YARS2: variants seen among roughly 807,000 people sequenced by gnomAD.
The protein encoded by YARS2 is tyrosine--tRNA ligase, mitochondrial.
Under a neutral mutation model 45.0 loss-of-function variants are expected in YARS2, and 38 were observed. The ratio of observed to expected loss-of-function variants is 0.84; its 90% CI spans 0.65 to 1.11. YARS2 has a LOEUF of 1.11. Among genes scored for constraint, YARS2 ranks in the 50% least tolerant of loss-of-function variants. YARS2 has a pLI of 0.00. For missense variants in YARS2, 602 were observed against 599.8 expected (o/e 1.00, Z -0.04); for synonymous variants, 287 against 245.1 (o/e 1.17, Z -1.60).
intron 4 of YARS2, 35 bp from the exon 5 acceptor site, chr12:32,747,398 C>T: frequency 6.2e-7 from 1 of 1,606,860 alleles, no homozygotes; most frequent in Non-Finnish European, 8.5e-7. Flanking sequence ...GTAGAGAGAT[C>T]CAATCACTGT....
intron 4 of YARS2, among the ~76,000 whole-genome samples, chr12:32,748,803 G>C (rs1031324001): frequency 1.3e-5 from 2 of 152,052 alleles, no homozygotes; most frequent in African/African-American, 4.8e-5. Context: ...AGTTGAAAGA[G>C]AACAACTATA....
intron 2 of YARS2, among the ~76,000 whole-genome samples, chr12:32,751,130 GA>G (rs1955736446): frequency 6.7e-6 from 1 of 150,082 alleles, no homozygotes; most frequent in South Asian, 2.1e-4. Flanking sequence ...GCAGTGGCAT[GA>G]TCATGGCTCA....
In YARS2 at chr12:32,747,169, G is replaced by T; in HGVS notation, c.*35C>A. ...TCAGAGGTCTTGAGAATGAATGATG[G>T]GTAAGTTTATTTGGACAACCAGAAG... On this transcript the variant is annotated 3_prime_UTR_variant, in exon 5 of 5. Coordinates refer to ENST00000324868, the MANE Select transcript of YARS2 (RefSeq NM_001040436.3). The T allele has an allele frequency of 6.2e-7, 1 of 1,608,908 alleles. No homozygotes were observed.
rs1955829295 is a variant in YARS2, at chr12:32,755,397, T to C, written c.478A>G (p.Thr160Ala). Residue 160 changes from threonine to alanine, a missense_variant, in exon 1 of 5, where the codon ACT becomes GCT. Coordinates refer to ENST00000324868, the MANE Select transcript of YARS2 (RefSeq NM_001040436.3). ...ALAANHQQLF[T>A]DGRSWGSFTV... is the part of the protein sequence containing the mutation. ...AAGCTGCCCCAGGAGCGCCCATCAG[T>C]GAAAAGCTGCTGGTGATTAGCCGCC... is the stretch of plus-strand genomic sequence containing the variant. The C allele has an allele frequency of 6.2e-7, 1 of 1,613,646 alleles. No individual in the cohort carries two copies. The highest frequency in any genetic ancestry group is 8.5e-7 in the Non-Finnish European group (1 of 1,180,014).
chr12:32,749,112 TTAG>T (rs1479796678), intron 4 of YARS2, among the ~76,000 whole-genome samples: 1 of 152,212 alleles, frequency 6.6e-6, no homozygotes, highest in Non-Finnish European at 1.5e-5. Flanking sequence ...TCTTATGACG[TTAG>T]TAGGTTAGTG....
chr12:32,749,984 G>A lies in YARS2; in HGVS notation c.1227C>T (p.Val409=). 1 of 1,614,036 alleles carries A rather than the reference G, an allele frequency of 6.2e-7. No homozygotes were observed. Among genetic ancestry groups the A allele is most frequent in the Non-Finnish European group, 8.5e-7 (1 of 1,180,006 alleles). The change falls in exon 4 of 5, where the codon GTC becomes GTT. Residue 409 remains valine (V), a synonymous_variant. Transcript: ENST00000324868. ...CATTTGCTTTGCGGCAAGTATCTAGGACACTTGTTCCAGGATCGAGAAAAA... is the reference window on the plus strand; with the variant it reads ...CATTTGCTTTGCGGCAAGTATCTAGAACACTTGTTCCAGGATCGAGAAAAA... The part of the protein sequence containing the change: ...SEFFLDPGTS[V]LDTCRKANAI...
At chr12:32,753,857 G>T in intron 2 of YARS2, 61 bp downstream of exon 2, 2 of 1,598,980 alleles carry the variant, frequency 1.3e-6, no homozygotes, top group Non-Finnish European at 1.7e-6. Flanking sequence ...AGATTCAATG[G>T]CTAAAATTAC....
chr12:32,749,420 T>C (rs1400106079), intron 4 of YARS2, among the ~76,000 whole-genome samples: 1 of 152,186 alleles, frequency 6.6e-6, no homozygotes, highest in Admixed American at 6.5e-5. Flanking sequence ...AGAGACAGTA[T>C]AGGAGTACTG....
chr12:32,749,537 T>A (rs999125543), intron 4 of YARS2, among the ~76,000 whole-genome samples: 11 of 152,210 alleles, frequency 7.2e-5, no homozygotes, highest in African/African-American at 2.4e-4. Context: ...ACTAAAGCAC[T>A]ATCAGGAAAA....
chr12:32,750,020 T>C lies in YARS2; in HGVS notation c.1191A>G (p.Pro397=), dbSNP rs754627213. 2 of 1,614,038 alleles carry C rather than the reference T, an allele frequency of 1.2e-6. No homozygotes were observed. The highest frequency in any genetic ancestry group is 1.7e-6 in the Non-Finnish European group (2 of 1,179,968). ...CAGGATCGAGAAAAAATTCAGAAAA[T>C]GGAGCTTCTTTAAACAACTCTTTTA... ...QELKELFKEA[P]FSEFFLDPGT... Residue 397 remains proline, a synonymous_variant, in exon 4 of 5, where the codon CCA becomes CCG. Coordinates refer to ENST00000324868, the MANE Select transcript of YARS2 (RefSeq NM_001040436.3).
chr12:32,751,891 C>T (rs1473409404), intron 2 of YARS2, among the ~76,000 whole-genome samples: 3 of 152,198 alleles, frequency 2.0e-5, no homozygotes, highest in Non-Finnish European at 4.4e-5. Context: ...CGGACTGGTA[C>T]AGTCCAACAG....
chr12:32,753,672 T>G (rs1339872474), intron 2 of YARS2, among the ~76,000 whole-genome samples: 1 of 152,198 alleles, frequency 6.6e-6, no homozygotes, highest in African/African-American at 2.4e-5. Flanking sequence ...TCCTAAGAAC[T>G]TGCTAGATAC....
In YARS2 at chr12:32,755,160, T is replaced by C; in HGVS notation, c.715A>G (p.Arg239Gly). 1 of 1,614,180 alleles carries C rather than the reference T, an allele frequency of 6.2e-7. No individual in the cohort carries two copies. Among genetic ancestry groups the C allele is most frequent in the Non-Finnish European group, 8.5e-7 (1 of 1,180,040 alleles). The change falls in exon 1 of 5, where the codon AGG becomes GGG. Residue 239 changes from arginine to glycine, a missense_variant. Coordinates refer to ENST00000324868, the MANE Select transcript of YARS2 (RefSeq NM_001040436.3). ...TGATCAGATCCGCCCAGCTGGACCC[T>C]GCATCCATAACGCTGGAAGAGGTAA... ...FYYLFQRYGC[R>G]VQLGGSDQLG...
In YARS2 at chr12:32,755,534, C is replaced by T; in HGVS notation, c.341G>A (p.Gly114Asp). Residue 114 changes from glycine (G) to aspartate (D), a missense_variant, in exon 1 of 5, where the codon GGC becomes GAC. Gly to Asp is a moderately conservative substitution (Grantham distance 94, BLOSUM62 -1). Coordinates refer to ENST00000324868, the MANE Select transcript of YARS2 (RefSeq NM_001040436.3). ...AGHNVIALVG[G>D]ATARLGDPSG... ...CGGGTCTCCCAGGCGCGCCGTGGCG[C>T]CTCCCACCAGCGCGATCACGTTGTG... 6.2e-7 allele frequency: 1 copy of T among 1,613,386 alleles called. No homozygotes were observed. The highest frequency in any genetic ancestry group is 8.5e-7 in the Non-Finnish European group (1 of 1,179,788).
intron 4 of YARS2, among the ~76,000 whole-genome samples, chr12:32,747,915 A>G (rs972590494): frequency 2.6e-5 from 4 of 152,200 alleles, no homozygotes; most frequent in Non-Finnish European, 5.9e-5. Flanking sequence ...AAGTTGTTCT[A>G]GGAGCACACT....
rs1253364162 is a variant in YARS2, at chr12:32,746,907, G to C, written c.*297C>G. The C allele has an allele frequency of 1.5e-5, 5 of 332,480 alleles. No individual in the cohort carries two copies. Among genetic ancestry groups the C allele is most frequent in the Non-Finnish European group, 2.8e-5 (5 of 178,146 alleles). 20.6% of individuals were successfully genotyped at this position (332,480 alleles called of 1,614,324 possible). A position where few individuals can be genotyped will look rare whatever the true frequency, so the allele number is the denominator to read the frequency against. ...ACAAAAAGGAGAGCAGGAAGGGTAAGATAGGAAAGCAGCATTTCTTTCTCT... is the reference window on the plus strand; with the variant it reads ...ACAAAAAGGAGAGCAGGAAGGGTAACATAGGAAAGCAGCATTTCTTTCTCT... On this transcript the variant is annotated 3_prime_UTR_variant, in exon 5 of 5. Coordinates refer to ENST00000324868, the MANE Select transcript of YARS2 (RefSeq NM_001040436.3).
chr12:32,750,491 G>A lies in YARS2; in HGVS notation c.1103+228C>T, dbSNP rs61926204. Among the ~76,000 whole-genome samples, 301 of 152,236 alleles carry A rather than the reference G, an allele frequency of 2.0e-3. 1 individual carries two copies. The highest frequency in any genetic ancestry group is 3.5e-3 in the Non-Finnish European group (238 of 68,004). On this transcript the variant is annotated intron_variant, in intron 3 of 4. Transcript: ENST00000324868. ...GCTGGGATTACAGGCGTGAGCCACCGCGCCCGGCATAGACTAAAAGTTTTT... is the reference window on the plus strand; with the variant it reads ...GCTGGGATTACAGGCGTGAGCCACCACGCCCGGCATAGACTAAAAGTTTTT...
chr12:32,749,673 C>A (rs921377954), intron 4 of YARS2, among the ~76,000 whole-genome samples: 1 of 152,104 alleles, frequency 6.6e-6, no homozygotes, highest in Non-Finnish European at 1.5e-5. Context: ...CTCTGCCTCC[C>A]GGGTTGATGC....
intron 2 of YARS2, chr12:32,752,820 G>A: frequency 3.2e-6 from 1 of 309,828 alleles, no homozygotes; most frequent in Non-Finnish European, 6.5e-6. Flanking sequence ...AAACATTCTA[G>A]GACTAAATCT....
Sources: allele counts gnomAD v4.1 joint callset (sites outside exome capture counted in the v4.1 genomes callset), GRCh38; gene constraint gnomAD v4.1.1; transcripts MANE v1.5; gene names NCBI Gene and HGNC (gene_info 2026-07-23, HGNC 2026-07-21).